MARK1: variants seen among roughly 807,000 people sequenced by gnomAD.
The protein encoded by MARK1 is microtubule affinity regulating kinase 1, also known as serine/threonine-protein kinase MARK1.
MARK1 carries 40 observed loss-of-function variants against 96.3 expected under a neutral mutation model. That is an observed-to-expected ratio of 0.42 (90% confidence interval 0.32 to 0.54). The LOEUF (loss-of-function observed/expected upper bound fraction) is 0.54, where lower values mean the gene tolerates loss of function less well. Among genes scored for constraint, MARK1 ranks in the 20% least tolerant of loss-of-function variants. MARK1 has a pLI of 0.16. For synonymous variants in MARK1, 317 were observed against 341.2 expected, an observed-to-expected ratio of 0.93 and a Z score of 0.78; for missense variants, 719 against 984.6, an observed-to-expected ratio of 0.73 and a Z score of 3.61.
intron 1 of MARK1, among the ~76,000 whole-genome samples, chr1:220,559,907 G>T (rs909583557): frequency 6.4e-5 from 6 of 93,368 alleles, no homozygotes; most frequent in African/African-American, 2.1e-4. Context: ...CATACTTGGG[G>T]TGTATGTTCT....
intron 1 of MARK1, among the ~76,000 whole-genome samples, chr1:220,547,653 C>G (rs894221706): frequency 1.3e-5 from 2 of 152,164 alleles, no homozygotes; most frequent in African/African-American, 4.8e-5. Context: ...CAAGCTCCAC[C>G]TCCTGGGTTC....
chr1:220,569,277 C>T (rs1431645075), intron 1 of MARK1, among the ~76,000 whole-genome samples: 1 of 152,068 alleles, frequency 6.6e-6, no homozygotes, highest in Non-Finnish European at 1.5e-5. Flanking sequence ...TAACCATTTT[C>T]CTGCCATATG....
chr1:220,649,239 T>A (rs3849286), intron 13 of MARK1, among the ~76,000 whole-genome samples: 1 of 150,044 alleles, frequency 6.7e-6, no homozygotes, highest in African/African-American at 2.5e-5. Context: ...TTTTTTTTTT[T>A]GGGGGACAGG....
intron 15 of MARK1, 80 bp downstream of exon 15, chr1:220,652,230 C>A: frequency 2.6e-6 from 3 of 1,167,614 alleles, no homozygotes; most frequent in Middle Eastern, 2.3e-4. Context: ...ATGATAGTCA[C>A]CATCACATTA....
chr1:220,561,019 A>G (rs1209722306), intron 1 of MARK1, among the ~76,000 whole-genome samples: 1 of 152,092 alleles, frequency 6.6e-6, no homozygotes, highest in African/African-American at 2.4e-5. Context: ...GGGTTTGCCA[A>G]GCAAATATGG....
At chr1:220,586,009 A>ACACACACG (rs1553322887) in intron 3 of MARK1, among the ~76,000 whole-genome samples, 26 of 129,726 alleles carry the variant, frequency 2.0e-4, no homozygotes, top group African/African-American at 4.5e-4. Context: ...ACACACACAC[A>ACACACACG]CACGCGCGCG....
intron 1 of MARK1, among the ~76,000 whole-genome samples, chr1:220,563,915 A>G (rs1459269557): frequency 6.6e-6 from 1 of 152,174 alleles, no homozygotes; most frequent in African/African-American, 2.4e-5. Flanking sequence ...GCTTTAAAAA[A>G]CTGATAATCC....
At chr1:220,612,060 T>G (rs1425920289) in intron 6 of MARK1, among the ~76,000 whole-genome samples, 1 of 152,228 alleles carries the variant, frequency 6.6e-6, no homozygotes, top group African/African-American at 2.4e-5. Flanking sequence ...TATTATTCAT[T>G]TAATATCAGT....
At position 220,653,304 on chromosome 1, in the gene MARK1, G is replaced by T; in HGVS notation, c.1940G>T (p.Gly647Val). 6.2e-7 allele frequency: 1 copy of T among 1,614,230 alleles called. No homozygotes were observed. The highest frequency in any genetic ancestry group is 8.5e-7 in the Non-Finnish European group (1 of 1,180,044). Residue 647 changes from glycine to valine, a missense_variant, in exon 16 of 18, where the codon GGA becomes GTA. Gly to Val is a moderately radical substitution (Grantham distance 109, BLOSUM62 -3). Coordinates refer to ENST00000366917, the MANE Select transcript of MARK1 (RefSeq NM_018650.5). ...GGTGCATTTGCACATGCCAGAAGGGGAACGTCAACTGGTATAATAAGCAAA... is the reference window on the plus strand; with the variant it reads ...GGTGCATTTGCACATGCCAGAAGGGTAACGTCAACTGGTATAATAAGCAAA... The part of the protein sequence containing the change: ...ETGAFAHARR[G>V]TSTGIISKIT...
At chr1:220,660,649 G>A (rs74141805) in intron 17 of MARK1, among the ~76,000 whole-genome samples, 2,469 of 152,140 alleles carry the variant, frequency 0.016, 33 homozygotes, top group African/African-American at 0.041. Context: ...TCTGTATCAC[G>A]AATAATCTAT....
Position 220,661,626 on chromosome 1 carries a change from G to A in MARK1, c.2034-186G>A, listed in dbSNP as rs537758693. 4.6e-5 allele frequency among the ~76,000 whole-genome samples: 7 copies of A among 152,178 alleles called. No homozygotes were observed. In the South Asian group the frequency reaches 1.5e-3, roughly 32 times the overall value. Reference sequence around the variant, plus strand: ...ACAATATTAAAAGTCAAAACAGATGGCATCTTGGGGTGTGTTTCTGTAACA... The same window carrying A: ...ACAATATTAAAAGTCAAAACAGATGACATCTTGGGGTGTGTTTCTGTAACA... On this transcript the variant is annotated intron_variant, in intron 17 of 17. Coordinates refer to ENST00000366917, the MANE Select transcript of MARK1 (RefSeq NM_018650.5).
chr1:220,535,055 T>C (rs1345028697), intron 1 of MARK1, among the ~76,000 whole-genome samples: 2 of 152,048 alleles, frequency 1.3e-5, no homozygotes, highest in Non-Finnish European at 2.9e-5. Flanking sequence ...TGGTCGTATG[T>C]TAGTTCTATT....
chr1:220,550,638 G>A (rs1279221792), intron 1 of MARK1, among the ~76,000 whole-genome samples: 2 of 152,242 alleles, frequency 1.3e-5, no homozygotes, highest in Admixed American at 1.3e-4. Flanking sequence ...ACAGATGAGA[G>A]CTGAGGAGTT....
intron 1 of MARK1, among the ~76,000 whole-genome samples, chr1:220,535,772 C>T (rs528542115): frequency 6.6e-6 from 1 of 152,214 alleles, no homozygotes; most frequent in South Asian, 2.1e-4. Context: ...AAAGACTGTC[C>T]TTTACCCATT....
intron 1 of MARK1, among the ~76,000 whole-genome samples, chr1:220,547,892 T>A (rs1011571522): frequency 6.6e-6 from 1 of 152,186 alleles, no homozygotes; most frequent in Non-Finnish European, 1.5e-5. Flanking sequence ...CTTAAGCCTG[T>A]CACACACATA....
intron 1 of MARK1, among the ~76,000 whole-genome samples, chr1:220,545,310 A>C (rs1661405005): frequency 6.6e-6 from 1 of 152,184 alleles, no homozygotes; most frequent in Non-Finnish European, 1.5e-5. Flanking sequence ...CCAGTCCTGG[A>C]GGCCGCAGAA....
At chr1:220,537,409 A>C (rs1660781966) in intron 1 of MARK1, among the ~76,000 whole-genome samples, 2 of 151,740 alleles carry the variant, frequency 1.3e-5, no homozygotes, top group African/African-American at 4.8e-5. Flanking sequence ...CCTACAAAGG[A>C]CATGAACTCA....
chr1:220,529,180 G>A (rs765812122), intron 1 of MARK1, among the ~76,000 whole-genome samples: 31 of 152,202 alleles, frequency 2.0e-4, no homozygotes, highest in Non-Finnish European at 4.1e-4. Flanking sequence ...AGAGTGGGCA[G>A]TCAGGATTGC....
intron 1 of MARK1, among the ~76,000 whole-genome samples, chr1:220,550,622 A>G (rs1005008881): frequency 1.3e-5 from 2 of 152,210 alleles, no homozygotes; most frequent in Admixed American, 6.5e-5. Context: ...CCAAAGTGTC[A>G]GGATTACAGA....
Sources: allele counts gnomAD v4.1 joint callset (sites outside exome capture counted in the v4.1 genomes callset), GRCh38; gene constraint gnomAD v4.1.1; transcripts MANE v1.5; gene names NCBI Gene and HGNC (gene_info 2026-07-23, HGNC 2026-07-21).